The following GMDS variants were observed in gnomAD, a reference collection of about 807,000 sequenced individuals.
The protein encoded by GMDS is GDP-mannose 4,6-dehydratase.
A neutral mutation model predicts 49.9 loss-of-function variants in GMDS; 20 were observed. That is an observed-to-expected ratio of 0.40 (90% confidence interval 0.28 to 0.58). The LOEUF (loss-of-function observed/expected upper bound fraction) is 0.58. GMDS is among the 20% of genes least tolerant of loss of function. The probability of loss-of-function intolerance (pLI) is 0.42; values close to 1 mark genes in which losing one functional copy is unlikely to be tolerated. For synonymous variants in GMDS, 177 were observed against 178.6 expected (o/e 0.99, Z 0.07); for missense variants, 362 against 481.4 (o/e 0.75, Z 2.32).
chr6:1,926,880 T>C (rs1279075137), intron 7 of GMDS, among the ~76,000 whole-genome samples: 4 of 152,236 alleles, frequency 2.6e-5, no homozygotes, highest in African/African-American at 9.6e-5. Context: ...CAAGACCCAC[T>C]TGTATTATAG....
rs142173777 is a variant in GMDS at position 1,766,572 on chromosome 6, G to A, written c.772-23986C>T. Among the ~76,000 whole-genome samples the A allele has an allele frequency of 4.8e-3, 724 of 152,244 alleles. 13 individuals are homozygous for A. Among genetic ancestry groups the A allele is most frequent in the African/African-American group, 0.017 (699 of 41,532 alleles). ...CTCTCTTGTGTATGGCTCGGGAGGA[G>A]GGTCTAAGGTGGGCCTCGCTACTCC... On this transcript the variant is annotated intron_variant, in intron 7 of 10. Transcript: ENST00000380815. The surrounding 1 kb of genome is among the most constrained non-coding windows in gnomAD (Gnocchi z 4.5).
chr6:1,728,492 C>T (rs188441374), intron 8 of GMDS, among the ~76,000 whole-genome samples: 61 of 152,292 alleles, frequency 4.0e-4, no homozygotes, highest in African/African-American at 1.5e-3. Flanking sequence ...TAGCTGGCCA[C>T]GCTGACTTAT....
intron 4 of GMDS, among the ~76,000 whole-genome samples, chr6:2,105,553 C>T (rs1774195486): frequency 6.6e-6 from 1 of 152,174 alleles, no homozygotes; most frequent in South Asian, 2.1e-4. Flanking sequence ...TCCCCTACAC[C>T]ATGTAACAAT....
At chr6:1,691,421 G>T (rs1765169712) in intron 9 of GMDS, among the ~76,000 whole-genome samples, 1 of 152,090 alleles carries the variant, frequency 6.6e-6, no homozygotes, top group African/African-American at 2.4e-5. Context: ...TAATACTTAG[G>T]TGATGGGTTG....
rs796834342 is a variant in GMDS at position 1,652,711 on chromosome 6, TATATATATAG to T, written c.988-28181_988-28172del. On this transcript the variant is annotated intron_variant, in intron 9 of 10. Transcript: ENST00000380815. ...ATATATAATATATTATATATATATA[TATATATATAG>T]AGAGAGAGAGAGAGAGAGAGACAGA... Among the ~76,000 whole-genome samples the T allele has an allele frequency of 3.7e-4, 11 of 29,826 alleles. 2 individuals carry two copies. The highest frequency in any genetic ancestry group is 1.1e-3 in the East Asian group (2 of 1,882). The allele number at this position is 29,826 out of a possible 152,430, so 19.6% of individuals were successfully genotyped here. A position where few individuals can be genotyped will look rare whatever the true frequency, so the allele number is the denominator to read the frequency against.
At chr6:1,906,374 G>T (rs996673120) in intron 7 of GMDS, among the ~76,000 whole-genome samples, 1 of 152,016 alleles carries the variant, frequency 6.6e-6, no homozygotes, top group Admixed American at 6.6e-5. Flanking sequence ...ACAATCCTAG[G>T]GATTCTCAGG....
intron 1 of GMDS, among the ~76,000 whole-genome samples, chr6:2,167,612 T>G (rs940424052): frequency 6.6e-6 from 1 of 152,128 alleles, no homozygotes; most frequent in Non-Finnish European, 1.5e-5. Context: ...ACCTAATCTC[T>G]TGCCATGCAT....
chr6:1,982,295 C>T (rs144032578), intron 4 of GMDS, among the ~76,000 whole-genome samples: 6 of 152,250 alleles, frequency 3.9e-5, no homozygotes, highest in Non-Finnish European at 8.8e-5. Flanking sequence ...TGAGCAAAAG[C>T]TGGAAGCATT....
rs17134633 is a variant in GMDS at position 2,056,780 on chromosome 6, T to G, written c.345+58991A>C. Among the ~76,000 whole-genome samples, 394 of 152,306 alleles carry G rather than the reference T, an allele frequency of 2.6e-3. 2 individuals are homozygous for G. The highest frequency in any genetic ancestry group is 9.2e-3 in the African/African-American group (384 of 41,558). On this transcript the variant is annotated intron_variant, in intron 4 of 10. Transcript: ENST00000380815. ...AATCTTGTTTTAGAATAATTTTTTT[T>G]CCATTGGTATACTCTCTGTTACTCT... is the stretch of plus-strand genomic sequence containing the variant.
At chr6:1,682,035 T>A (rs1764809558) in intron 9 of GMDS, among the ~76,000 whole-genome samples, 1 of 152,026 alleles carries the variant, frequency 6.6e-6, no homozygotes, top group Non-Finnish European at 1.5e-5. Flanking sequence ...GATTTAGATT[T>A]AGAAGACCTG....
At chr6:2,142,450 C>T (rs745833943) in intron 1 of GMDS, among the ~76,000 whole-genome samples, 3 of 152,078 alleles carry the variant, frequency 2.0e-5, no homozygotes, top group Non-Finnish European at 4.4e-5. Flanking sequence ...AATCTGGACA[C>T]AGGCAACACC....
intron 1 of GMDS, among the ~76,000 whole-genome samples, chr6:2,166,277 A>T (rs1049402697): frequency 6.6e-6 from 1 of 152,226 alleles, no homozygotes; most frequent in African/African-American, 2.4e-5. Flanking sequence ...TCCATAAAGT[A>T]ACTGACACAA....
chr6:2,040,585 T>C (rs896861745), intron 4 of GMDS, among the ~76,000 whole-genome samples: 1 of 152,136 alleles, frequency 6.6e-6, no homozygotes, highest in Admixed American at 6.5e-5. Flanking sequence ...TAAAGTAAAA[T>C]ATATCAGCCT....
intron 8 of GMDS, among the ~76,000 whole-genome samples, chr6:1,732,367 T>C (rs547180463): frequency 6.6e-6 from 1 of 152,202 alleles, no homozygotes; most frequent in South Asian, 2.1e-4. Context: ...AAAATACATG[T>C]GGTTTACTGG....
chr6:1,659,589 T>C (rs945414245), intron 9 of GMDS, among the ~76,000 whole-genome samples: 2 of 152,128 alleles, frequency 1.3e-5, no homozygotes, highest in Admixed American at 6.5e-5. Flanking sequence ...AGCTGGGTGA[T>C]AGCACCCAGT....
At chr6:2,244,353 C>T (rs1424395903) in intron 1 of GMDS, among the ~76,000 whole-genome samples, 1 of 152,084 alleles carries the variant, frequency 6.6e-6, no homozygotes, top group African/African-American at 2.4e-5. Flanking sequence ...GTTAGGCAAG[C>T]GACTGGAACA....
At chr6:2,204,692 T>C (rs1056523742) in intron 1 of GMDS, among the ~76,000 whole-genome samples, 5 of 152,232 alleles carry the variant, frequency 3.3e-5, no homozygotes, top group African/African-American at 4.8e-5. Context: ...ATTCCCATCA[T>C]TGCAGAAAAT....
intron 4 of GMDS, among the ~76,000 whole-genome samples, chr6:2,040,264 A>G (rs573240826): frequency 6.6e-6 from 1 of 152,362 alleles, no homozygotes; most frequent in East Asian, 1.9e-4. Context: ...TAGGGGCTCA[A>G]TGCAACACTG....
intron 1 of GMDS, among the ~76,000 whole-genome samples, chr6:2,209,682 C>T (rs755916411): frequency 4.6e-5 from 7 of 151,814 alleles, no homozygotes; most frequent in Non-Finnish European, 8.8e-5. Flanking sequence ...CATTATCAAA[C>T]GTGCATTTAT....
Sources: gnomAD v4.1 joint callset for allele counts (sites outside exome capture counted in the v4.1 genomes callset) on GRCh38, gnomAD v4.1.1 for gene constraint, Gnocchi (gnomAD v3.1) non-coding constraint, MANE v1.5 for transcripts, NCBI Gene and HGNC (gene_info 2026-07-23, HGNC 2026-07-21) for gene names.